ZNF134: variants seen among roughly 807,000 people sequenced by gnomAD.
The protein encoded by ZNF134 is zinc finger protein 134, also known as zinc finger protein 134 (clone pHZ-15).
ZNF134 carries 5 observed loss-of-function variants against 2.5 expected under a neutral mutation model. That is an observed-to-expected ratio of 2.03 (90% CI 1.06 to 4.27). ZNF134 has a LOEUF of 4.27. ZNF134 is among the 30% of genes most tolerant of loss of function. The pLI is 0.00. For missense variants in ZNF134, 540 were observed against 517.5 expected, an observed-to-expected ratio of 1.04 and a Z score of -0.42; for synonymous variants, 176 against 176.2, an observed-to-expected ratio of 1.00 and a Z score of 0.01.
chr19:57,617,055 T>C (rs1188139401), intron 1 of ZNF134, among the ~76,000 whole-genome samples: 1 of 152,140 alleles, frequency 6.6e-6, no homozygotes, highest in South Asian at 2.1e-4. Flanking sequence ...AATACTTAAC[T>C]TAAGGCTAAA....
Position 57,620,165 on chromosome 19 carries a change from T to G in ZNF134, c.46T>G (p.Trp16Gly). ...TAGTATTTTTCTGCCTTCAGGTTGT[T>G]GGCATGAAGTGAAGGATGAAGAGTC... ...AGGAWTGPGC[W>G]HEVKDEESSS... The change falls in exon 3 of 3, where the codon TGG (tryptophan) becomes GGG (glycine). Residue 16 changes from tryptophan to glycine, a missense_variant. By Grantham distance (184) the Trp-to-Gly change is radical. Coordinates refer to ENST00000396161, the MANE Select transcript of ZNF134 (RefSeq NM_003435.5). The G allele has an allele frequency of 6.2e-7, 1 of 1,609,988 alleles. No homozygotes were observed. Among genetic ancestry groups the G allele is most frequent in the Non-Finnish European group, 8.5e-7 (1 of 1,177,124 alleles).
chr19:57,620,020 C>CT (rs1981153479), intron 2 of ZNF134, 140 bp from the exon 3 acceptor site: 1 of 987,194 alleles, frequency 1.0e-6, no homozygotes, highest in Non-Finnish European at 1.5e-6. Context: ...TACAGCAGCC[C>CT]TTTTTTCAAC....
chr19:57,621,632 G>C lies in ZNF134; in HGVS notation c.*229G>C. The C allele has an allele frequency of 1.3e-6, 1 of 752,748 alleles. No homozygotes were observed. Among genetic ancestry groups the C allele is most frequent in the Admixed American group, 1.8e-5 (1 of 56,052 alleles). The allele number at this position is 752,748 out of a possible 1,614,324, so 46.6% of individuals were successfully genotyped here. A position where few individuals can be genotyped will look rare whatever the true frequency, so the allele number is the denominator to read the frequency against. Reference sequence around the variant, plus strand: ...AGATACCCCAGCATTGGGGAAGGCAGGGTTTTGTATTGTCCAGTCCCTGGA... The same window carrying C: ...AGATACCCCAGCATTGGGGAAGGCACGGTTTTGTATTGTCCAGTCCCTGGA... On this transcript the variant is annotated 3_prime_UTR_variant, in exon 3 of 3. Coordinates refer to ENST00000396161, the MANE Select transcript of ZNF134 (RefSeq NM_003435.5).
In ZNF134 at chr19:57,623,087, TC is replaced by T. The variant is rs1981278294; in HGVS notation, c.*1689del. On this transcript the variant is annotated 3_prime_UTR_variant, in exon 3 of 3. Transcript: ENST00000396161. ...TTAACCTTTCTCTCAGTGCTCGCCT[TC>T]CCCCAGAATCCCTAGGCAACCACTG... 1 of 152,028 alleles carries T rather than the reference TC, an allele frequency of 6.6e-6. No homozygotes were observed. The highest frequency in any genetic ancestry group is 2.4e-5 in the African/African-American group (1 of 41,374). The allele number at this position is 152,028 out of a possible 1,614,324, so 9.4% of individuals were successfully genotyped here. A position where few individuals can be genotyped will look rare whatever the true frequency, so the allele number is the denominator to read the frequency against.
At position 57,623,115 on chromosome 19, in the gene ZNF134, G is replaced by A. The variant is rs1055078388; in HGVS notation, c.*1712G>A. The A allele has an allele frequency of 1.3e-5, 2 of 152,072 alleles. No homozygotes were observed. Among genetic ancestry groups the A allele is most frequent in the Non-Finnish European group, 2.9e-5 (2 of 68,010 alleles). The allele number at this position is 152,072 out of a possible 1,614,324, so 9.4% of individuals were successfully genotyped here. ...CCCAGAATCCCTAGGCAACCACTGAGTAGTTTTCACTGTAGGTAAATTTGT... is the reference window on the plus strand; with the variant it reads ...CCCAGAATCCCTAGGCAACCACTGAATAGTTTTCACTGTAGGTAAATTTGT... On this transcript the variant is annotated 3_prime_UTR_variant, in exon 3 of 3. Coordinates refer to ENST00000396161, the MANE Select transcript of ZNF134 (RefSeq NM_003435.5).
Position 57,621,341 on chromosome 19 carries a change from G to A in ZNF134, c.1222G>A (p.Ala408Thr), listed in dbSNP as rs757903841. 1.9e-6 allele frequency: 3 copies of A among 1,613,976 alleles called. No homozygotes were observed. The highest frequency in any genetic ancestry group is 2.5e-6 in the Non-Finnish European group (3 of 1,180,050). The change falls in exon 3 of 3, where the codon GCC becomes ACC. Residue 408 changes from alanine (A) to threonine (T), a missense_variant. Physicochemically the swap from Ala to Thr is moderately conservative, Grantham distance 58. Transcript: ENST00000396161. ...ATATGAGTGCAGTGAATGTGGGAAG[G>A]CCTACAGCTTAAGCTCCCACCTCAA... Reference protein sequence around the residue: ...RPYECSECGKAYSLSSHLNRH... With the variant: ...RPYECSECGKTYSLSSHLNRH...
In ZNF134 at chr19:57,618,528, C is replaced by G. The variant is rs572399033; in HGVS notation, c.-57-884C>G. 4.6e-5 allele frequency among the ~76,000 whole-genome samples: 7 copies of G among 152,272 alleles called. No individual in the cohort carries two copies. In the East Asian group the frequency reaches 1.4e-3, roughly 29 times the overall value. On this transcript the variant is annotated intron_variant, in intron 1 of 2. Transcript: ENST00000396161. Reference sequence around the variant, plus strand: ...TGTATGAGGAATAATCTGTTGATCCCCAGGGAGCTGGCTGATAGGAGAAGG... The same window carrying G: ...TGTATGAGGAATAATCTGTTGATCCGCAGGGAGCTGGCTGATAGGAGAAGG...
At chr19:57,618,166 G>A (rs1981102539) in intron 1 of ZNF134, among the ~76,000 whole-genome samples, 1 of 152,204 alleles carries the variant, frequency 6.6e-6, no homozygotes. Flanking sequence ...AAAGGGCTGA[G>A]TTTATCTGGG....
In ZNF134 at chr19:57,618,045, C is replaced by T. The variant is rs145138187; in HGVS notation, c.-57-1367C>T. On this transcript the variant is annotated intron_variant, in intron 1 of 2. Transcript: ENST00000396161. ...GAATTAGCCCAGGGACAGATTGGGT[C>T]AGTAGGCAGAATCCCTGTGCTTGGG... is the stretch of plus-strand genomic sequence containing the variant. 3.3e-5 allele frequency among the ~76,000 whole-genome samples: 5 copies of T among 152,212 alleles called. No homozygotes were observed. In the East Asian group the frequency reaches 9.6e-4, roughly 29 times the overall value.
chr19:57,620,026 TCAACCTGATCC>T, intron 2 of ZNF134, 123 bp from the exon 3 acceptor site: 1 of 1,045,376 alleles, frequency 9.6e-7, no homozygotes. Context: ...AGCCCTTTTT[TCAACCTGATCC>T]TAGCTCTGTT....
chr19:57,619,603 G>T (rs1335837710), intron 2 of ZNF134, 95 bp downstream of exon 2: 37 of 1,348,828 alleles, frequency 2.7e-5, no homozygotes, highest in Non-Finnish European at 3.7e-5. Flanking sequence ...AAGGCCAGAG[G>T]CCCTAACTTA....
intron 2 of ZNF134, among the ~76,000 whole-genome samples, chr19:57,619,828 C>T (rs1981146423): frequency 6.6e-6 from 1 of 152,172 alleles, no homozygotes; most frequent in Non-Finnish European, 1.5e-5. Flanking sequence ...TATTTTTAAT[C>T]ACATTTTCCT....
In ZNF134 at chr19:57,620,791, A is replaced by T. The variant is rs768147287; in HGVS notation, c.672A>T (p.Arg224Ser). The part of the protein sequence containing the change: ...SRKATLVQHQ[R>S]IHTGERPYEC... ...AAGCTACACTTGTCCAGCATCAGAG[A>T]ATCCATACTGGAGAAAGGCCTTATG... The change falls in exon 3 of 3, where the codon AGA becomes AGT. Residue 224 changes from arginine (R) to serine (S), a missense_variant. Arg to Ser is a moderately radical substitution (Grantham distance 110). Coordinates refer to ENST00000396161, the MANE Select transcript of ZNF134 (RefSeq NM_003435.5). 6.2e-7 allele frequency: 1 copy of T among 1,614,248 alleles called. No individual in the cohort carries two copies. The highest frequency in any genetic ancestry group is 8.5e-7 in the Non-Finnish European group (1 of 1,180,042).
chr19:57,620,157 C>G lies in ZNF134; in HGVS notation c.41-3C>G. On this transcript the variant is annotated splice_region_variant and splice_polypyrimidine_tract_variant and intron_variant, in intron 2 of 2. Transcript: ENST00000396161. ...TACATCAATAGTATTTTTCTGCCTT[C>G]AGGTTGTTGGCATGAAGTGAAGGAT... The G allele has an allele frequency of 6.2e-7, 1 of 1,608,126 alleles. No individual in the cohort carries two copies. The highest frequency in any genetic ancestry group is 1.1e-5 in the South Asian group (1 of 90,536).
chr19:57,614,603 A>G, intron 1 of ZNF134, 100 bp downstream of exon 1: 3 of 327,268 alleles, frequency 9.2e-6, no homozygotes, highest in South Asian at 4.4e-5. Context: ...CCAGTGTCCA[A>G]GGCAGCGGGG....
Position 57,621,229 on chromosome 19 carries a change from G to A in ZNF134, c.1110G>A (p.Arg370=), listed in dbSNP as rs1189380159. Residue 370 remains arginine (R), a synonymous_variant, in exon 3 of 3, where the codon AGG becomes AGA. Coordinates refer to ENST00000396161, the MANE Select transcript of ZNF134 (RefSeq NM_003435.5). ...IAHQRVHTGE[R]PFVCSKCGKD... ...ACCAGAGGGTTCACACTGGTGAAAG[G>A]CCTTTTGTGTGCAGTAAATGTGGGA... 2 of 1,614,052 alleles carry A rather than the reference G, an allele frequency of 1.2e-6. No homozygotes were observed. Among genetic ancestry groups the A allele is most frequent in the Non-Finnish European group, 1.7e-6 (2 of 1,180,034 alleles).
In ZNF134 at chr19:57,622,151, A is replaced by G. The variant is rs1981242655; in HGVS notation, c.*748A>G. 6.5e-6 allele frequency: 1 copy of G among 154,318 alleles called. No individual in the cohort carries two copies. The highest frequency in any genetic ancestry group is 1.4e-5 in the Non-Finnish European group (1 of 69,434). The allele number at this position is 154,318 out of a possible 1,614,324, so 9.6% of individuals were successfully genotyped here. ...CCTGATTTGTCTGGATTTTAGAGTT[A>G]TTTGAGAGCCCATATTTCACCTTGA... On this transcript the variant is annotated 3_prime_UTR_variant, in exon 3 of 3. Transcript: ENST00000396161.
intron 2 of ZNF134, 101 bp from the exon 3 acceptor site, chr19:57,620,059 C>G: frequency 1.5e-6 from 2 of 1,374,768 alleles, no homozygotes; most frequent in Non-Finnish European, 2.0e-6. Flanking sequence ...CACCAGGAAA[C>G]TTAGGTACTC....
Position 57,620,763 on chromosome 19 carries a change from G to A in ZNF134, c.644G>A (p.Arg215His), listed in dbSNP as rs764590289. The A allele has an allele frequency of 1.5e-5, 24 of 1,612,610 alleles. No individual in the cohort carries two copies. Among genetic ancestry groups the A allele is most frequent in the Admixed American group, 6.7e-5 (4 of 59,980 alleles). The change falls in exon 3 of 3, where the codon CGC (arginine) becomes CAC (histidine). Residue 215 changes from arginine to histidine, a missense_variant. By Grantham distance (29) the Arg-to-His change is conservative. Coordinates refer to ENST00000396161, the MANE Select transcript of ZNF134 (RefSeq NM_003435.5). ...AGCGAATGTGGGAAAGCCTTCAGCC[G>A]CAAAGCTACACTTGTCCAGCATCAG... is the stretch of plus-strand genomic sequence containing the variant. ...ECSECGKAFS[R>H]KATLVQHQRI...
Sources: allele counts gnomAD v4.1 joint callset (sites outside exome capture counted in the v4.1 genomes callset), GRCh38; gene constraint gnomAD v4.1.1; transcripts MANE v1.5; gene names NCBI Gene and HGNC (gene_info 2026-07-23, HGNC 2026-07-21).